MSRA: variants seen among roughly 807,000 people sequenced by gnomAD.
MSRA encodes methionine sulfoxide reductase A, also known as mitochondrial peptide methionine sulfoxide reductase.
In MSRA, 54 loss-of-function variants were observed where a neutral mutation model predicts 31.3. The ratio of observed to expected loss-of-function variants is 1.73; its 90% CI spans 1.39 to 2.17. MSRA has a LOEUF of 2.17. Ranked by LOEUF, MSRA falls within the 30% of genes most tolerant of loss-of-function variation. MSRA has a pLI of 0.00. For synonymous variants in MSRA, 169 were observed against 116.5 expected (o/e 1.45, Z -2.90); for missense variants, 507 against 300.9 (o/e 1.69, Z -5.07).
chr8:10,073,963 A>C (rs1370695818), intron 1 of MSRA, among the ~76,000 whole-genome samples: 1 of 144,648 alleles, frequency 6.9e-6, no homozygotes, highest in African/African-American at 2.6e-5. Flanking sequence ...GACTTCACTG[A>C]TCTCTAAGGG....
At chr8:10,212,134 C>T (rs749415916) in intron 2 of MSRA, among the ~76,000 whole-genome samples, 2 of 151,820 alleles carry the variant, frequency 1.3e-5, no homozygotes, top group Admixed American at 6.6e-5. Flanking sequence ...TTGCAGTGAG[C>T]CGAGATCGCG....
Position 10,346,190 on chromosome 8 carries a change from G to A in MSRA, c.543+26201G>A, listed in dbSNP as rs544255162. ...CAAAGGCTGAGTGACTTGGGGTCCT[G>A]ACCTCAGTAAATGCAGTCTTATCCT... On this transcript the variant is annotated intron_variant, in intron 5 of 5. Transcript: ENST00000317173. Among the ~76,000 whole-genome samples the A allele has an allele frequency of 3.9e-5, 6 of 152,276 alleles. No individual in the cohort carries two copies. The South Asian group carries it at 8.3e-4, about 21-fold the overall frequency.
intron 1 of MSRA, among the ~76,000 whole-genome samples, chr8:10,062,206 C>T (rs1416556910): frequency 2.0e-5 from 3 of 152,214 alleles, no homozygotes; most frequent in African/African-American, 7.2e-5. Context: ...TCCTCCTTGG[C>T]AGATGGCCAG....
At chr8:10,054,802 G>A in intron 1 of MSRA, 144 bp downstream of exon 1, 5 of 933,546 alleles carry the variant, frequency 5.4e-6, no homozygotes, top group Non-Finnish European at 7.0e-6. Context: ...AGGCGCGAAG[G>A]GGCGCCGGCA....
At chr8:10,205,522 G>C (rs746281508) in intron 1 of MSRA, among the ~76,000 whole-genome samples, 1 of 152,164 alleles carries the variant, frequency 6.6e-6, no homozygotes, top group Non-Finnish European at 1.5e-5. Context: ...ATGTCAGATA[G>C]GGTGCACTTT....
chr8:10,401,617 A>G (rs1807469775), intron 5 of MSRA, among the ~76,000 whole-genome samples: 1 of 152,178 alleles, frequency 6.6e-6, no homozygotes, highest in African/African-American at 2.4e-5. Context: ...CTGTGTTCTT[A>G]GCAGTATTAT....
intron 1 of MSRA, among the ~76,000 whole-genome samples, chr8:10,110,483 G>C (rs972529164): frequency 2.0e-5 from 3 of 152,148 alleles, no homozygotes; most frequent in Non-Finnish European, 4.4e-5. Context: ...TAAGTTAGGA[G>C]AAACAGTGCA....
intron 5 of MSRA, among the ~76,000 whole-genome samples, chr8:10,334,188 ATGTGTGTGTG>A (rs61031081): frequency 2.2e-5 from 3 of 136,902 alleles, no homozygotes; most frequent in Non-Finnish European, 3.4e-5. Context: ...GTGTGTATTT[ATGTGTGTGTG>A]TGTGTGTGTG....
rs771336313 is a variant in MSRA, at chr8:10,207,934, T to A, written c.211+33T>A. 1.2e-5 allele frequency: 19 copies of A among 1,581,192 alleles called. No homozygotes were observed. In the Middle Eastern group the frequency reaches 5.1e-4, roughly 42 times the overall value. Reference sequence around the variant, plus strand: ...ATCAATTCTGAAAGAAAACCCAAATTGTGTGCAAAGACTAGTGCCAAATTT... The same window carrying A: ...ATCAATTCTGAAAGAAAACCCAAATAGTGTGCAAAGACTAGTGCCAAATTT... On this transcript the variant is annotated intron_variant, in intron 2 of 5. Coordinates refer to ENST00000317173, the MANE Select transcript of MSRA (RefSeq NM_012331.5).
At chr8:10,369,247 C>A (rs1297334290) in intron 5 of MSRA, among the ~76,000 whole-genome samples, 1 of 145,538 alleles carries the variant, frequency 6.9e-6, no homozygotes, top group Non-Finnish European at 1.5e-5. Context: ...TCATAGAGTT[C>A]TTTAAAAAAA....
chr8:10,324,193 T>G (rs1802227652), intron 5 of MSRA, among the ~76,000 whole-genome samples: 2 of 152,228 alleles, frequency 1.3e-5, no homozygotes, highest in African/African-American at 4.8e-5. Context: ...GCTCACTGGC[T>G]CAGTTCCTCA....
chr8:10,390,584 C>T (rs1806680229), intron 5 of MSRA, among the ~76,000 whole-genome samples: 1 of 152,150 alleles, frequency 6.6e-6, no homozygotes, highest in South Asian at 2.1e-4. Flanking sequence ...TGCCCATTGT[C>T]ACATGATTTG....
At chr8:10,267,782 A>C (rs1400013790) in intron 3 of MSRA, among the ~76,000 whole-genome samples, 3 of 152,106 alleles carry the variant, frequency 2.0e-5, no homozygotes, top group Admixed American at 2.0e-4. Context: ...GGTGTACCCA[A>C]GTGGATTCAG....
intron 2 of MSRA, among the ~76,000 whole-genome samples, chr8:10,224,502 A>AG (rs1810821344): frequency 6.6e-6 from 1 of 151,772 alleles, no homozygotes; most frequent in East Asian, 1.9e-4. Context: ...GAAGAAAAAA[A>AG]AAGACCAAAT....
At chr8:10,258,290 A>G (rs774117743) in intron 3 of MSRA, among the ~76,000 whole-genome samples, 19 of 152,198 alleles carry the variant, frequency 1.2e-4, no homozygotes, top group African/African-American at 1.7e-4. Context: ...AGTCACTACA[A>G]TGAAAAGAAC....
At chr8:10,322,876 G>C (rs1302179711) in intron 5 of MSRA, among the ~76,000 whole-genome samples, 3 of 152,110 alleles carry the variant, frequency 2.0e-5, no homozygotes, top group African/African-American at 7.2e-5. Context: ...CGGATCATGA[G>C]GTCAGGACTT....
chr8:10,413,436 G>A (rs902850689), intron 5 of MSRA, among the ~76,000 whole-genome samples: 1 of 152,116 alleles, frequency 6.6e-6, no homozygotes, highest in South Asian at 2.1e-4. Context: ...CCACACTGTG[G>A]GGCAGGACAT....
At chr8:10,147,275 C>G (rs1334919806) in intron 1 of MSRA, among the ~76,000 whole-genome samples, 1 of 152,162 alleles carries the variant, frequency 6.6e-6, no homozygotes, top group Non-Finnish European at 1.5e-5. Context: ...GCGATCCATC[C>G]TGGAGCAAGA....
At chr8:10,286,355 A>G (rs539819149) in intron 3 of MSRA, among the ~76,000 whole-genome samples, 1 of 152,222 alleles carries the variant, frequency 6.6e-6, no homozygotes, top group African/African-American at 2.4e-5. Context: ...ATGATAGTGA[A>G]TAAGTCTCAC....
Sources: allele counts gnomAD v4.1 joint callset (sites outside exome capture counted in the v4.1 genomes callset), GRCh38; gene constraint gnomAD v4.1.1; transcripts MANE v1.5; gene names NCBI Gene and HGNC (gene_info 2026-07-23, HGNC 2026-07-21).